OPTN: variants seen among roughly 807,000 people sequenced by gnomAD.
The protein encoded by OPTN is optineurin.
A neutral mutation model predicts 70.4 loss-of-function variants in OPTN; 54 were observed. The observed-to-expected ratio is 0.77, with a 90% confidence interval of 0.62 to 0.96. OPTN has a LOEUF of 0.96. Among genes scored for constraint, OPTN ranks in the 40% least tolerant of loss-of-function variants. OPTN has a pLI of 0.00. For synonymous variants in OPTN, 256 were observed against 248.5 expected, an observed-to-expected ratio of 1.03 and a Z score of -0.28; for missense variants, 624 against 673.2, an observed-to-expected ratio of 0.93 and a Z score of 0.81.
At chr10:13,113,498 C>T (rs1048252446) in intron 5 of OPTN, among the ~76,000 whole-genome samples, 10 of 152,176 alleles carry the variant, frequency 6.6e-5, no homozygotes, top group Non-Finnish European at 1.5e-4. Context: ...GAGTTTGAAG[C>T]CATTGCTATC....
chr10:13,116,480 G>C (rs1450924304), intron 6 of OPTN, 140 bp downstream of exon 6: 3 of 717,560 alleles, frequency 4.2e-6, no homozygotes, highest in Non-Finnish European at 7.6e-6. Context: ...CAGAATATTT[G>C]GTTTGAATGC....
At chr10:13,105,637 C>T (rs951703462) in intron 1 of OPTN, among the ~76,000 whole-genome samples, 7 of 152,238 alleles carry the variant, frequency 4.6e-5, no homozygotes, top group South Asian at 2.1e-4. Context: ...GGCCCGGCAC[C>T]GTGGCTCAAG....
rs1229227887 is a variant in OPTN, at chr10:13,126,020, A to G, written c.1223A>G (p.Glu408Gly). The change falls in exon 11 of 15, where the codon GAG (glutamate) becomes GGG (glycine). Residue 408 changes from glutamate (E) to glycine (G), a missense_variant. Coordinates refer to ENST00000378747, the MANE Select transcript of OPTN (RefSeq NM_001008212.2). ...CATAATAATGCATTGAAAACAATTG[A>G]GGAACTAACAAGAAAAGAGGTATTC... is the stretch of plus-strand genomic sequence containing the variant. ...QEHNNALKTIEELTRKESEKV... is the reference protein window; with the variant it reads ...QEHNNALKTIGELTRKESEKV... 1.9e-6 allele frequency: 3 copies of G among 1,609,520 alleles called. No homozygotes were observed. Among genetic ancestry groups the G allele is most frequent in the Non-Finnish European group, 1.7e-6 (2 of 1,175,912 alleles).
rs147219443 is a variant in OPTN, at chr10:13,122,476, G to A, written c.871G>A (p.Gly291Ser). The change falls in exon 8 of 15, where the codon GGC becomes AGC. Residue 291 changes from glycine to serine, a missense_variant. Physicochemically the swap from Gly to Ser is moderately conservative, Grantham distance 56 (BLOSUM62 0). Coordinates refer to ENST00000378747, the MANE Select transcript of OPTN (RefSeq NM_001008212.2). ...STEKENDEEK[G>S]PETVGSEVEA... is the part of the protein sequence containing the mutation. ...AGAGAAAGAGAATGATGAAGAGAAA[G>A]GCCCGGAGACTGTGAGTCCTAAGAT... is the stretch of plus-strand genomic sequence containing the variant. 4.3e-6 allele frequency: 7 copies of A among 1,612,232 alleles called. No homozygotes were observed. In the African/African-American group the frequency reaches 5.3e-5, roughly 12 times the overall value.
rs71386158 is a variant in OPTN at position 13,114,762 on chromosome 10, A to ATATATAATTATATAATTATATAAT, written c.553-1490_553-1467dup. Among the ~76,000 whole-genome samples, 292 of 83,750 alleles carry ATATATAATTATATAATTATATAAT rather than the reference A, an allele frequency of 3.5e-3. 21 individuals carry two copies. Among genetic ancestry groups the ATATATAATTATATAATTATATAAT allele is most frequent in the African/African-American group, 0.015 (267 of 18,334 alleles). The allele number at this position is 83,750 out of a possible 152,430, so 54.9% of individuals were successfully genotyped here. ...ATATATTCTACAATTATATAATTGC[A>ATATATAATTATATAATTATATAAT]TATATAATTATATAATTATATAATT... On this transcript the variant is annotated intron_variant, in intron 5 of 14. Transcript: ENST00000378747.
chr10:13,103,747 C>CACAGAT (rs142934673), intron 1 of OPTN, among the ~76,000 whole-genome samples: 1 of 149,972 alleles, frequency 6.7e-6, no homozygotes, highest in African/African-American at 2.5e-5. Context: ...CACATGCACA[C>CACAGAT]ACACACACAC....
Position 13,108,194 on chromosome 10 carries a change from C to T in OPTN, c.-107C>T, listed in dbSNP as rs1417614018. 2 of 152,228 alleles carry T rather than the reference C, an allele frequency of 1.3e-5. No individual in the cohort carries two copies. The highest frequency in any genetic ancestry group is 2.9e-5 in the Non-Finnish European group (2 of 68,040). 9.4% of individuals were successfully genotyped at this position (152,228 alleles called of 1,614,324 possible). The stretch of plus-strand genomic sequence containing the variant: ...CTGGCCTTGGATGAGCCGTACGCCT[C>T]TGTAAACCCAACTTCCTCACCTTTG... On this transcript the variant is annotated 5_prime_UTR_variant, in exon 2 of 15. Coordinates refer to ENST00000378747, the MANE Select transcript of OPTN (RefSeq NM_001008212.2).
chr10:13,100,489 C>T (rs1213759368), intron 1 of OPTN, among the ~76,000 whole-genome samples, 187 bp downstream of exon 1: 1 of 152,142 alleles, frequency 6.6e-6, no homozygotes, highest in Non-Finnish European at 1.5e-5. Flanking sequence ...CCCCAAGCCT[C>T]GGCGGGTCCT....
intron 9 of OPTN, among the ~76,000 whole-genome samples, chr10:13,124,939 T>A (rs1397040475): frequency 6.6e-6 from 1 of 152,266 alleles, no homozygotes; most frequent in Admixed American, 6.5e-5. Flanking sequence ...ATAGCTGTCA[T>A]TTATTTGTAT....
intron 3 of OPTN, chr10:13,109,643 T>C (rs942992228): frequency 1.6e-4 from 31 of 193,712 alleles, no homozygotes; most frequent in African/African-American, 7.9e-4. Context: ...CTGGGCAAGA[T>C]GGCAAGACCT....
At position 13,122,016 on chromosome 10, in the gene OPTN, G is replaced by T. The variant is rs186634965; in HGVS notation, c.780-369G>T. ...ACTTAGCTGTGTCCTAAAAGGAAAA[G>T]TCTTTCCTTCTCTAATGAATTCTTA... On this transcript the variant is annotated intron_variant, in intron 7 of 14. Coordinates refer to ENST00000378747, the MANE Select transcript of OPTN (RefSeq NM_001008212.2). Among the ~76,000 whole-genome samples, 34 of 152,318 alleles carry T rather than the reference G, an allele frequency of 2.2e-4. No individual in the cohort carries two copies. The East Asian group carries it at 6.0e-3, about 27-fold the overall frequency.
At chr10:13,101,577 A>G (rs1832749390) in intron 1 of OPTN, among the ~76,000 whole-genome samples, 1 of 152,174 alleles carries the variant, frequency 6.6e-6, no homozygotes, top group South Asian at 2.1e-4. Flanking sequence ...TTTGGAATTT[A>G]TGAAATAGAA....
chr10:13,116,282 G>A lies in OPTN; in HGVS notation c.568G>A (p.Gly190Arg), dbSNP rs1833206919. 1.9e-6 allele frequency: 3 copies of A among 1,610,790 alleles called. No individual in the cohort carries two copies. The highest frequency in any genetic ancestry group is 1.3e-5 in the African/African-American group (1 of 74,818). ...GTTTTCACAGGAAGGAGAAGCAGAA[G>A]GGTCAGTAAAAGAAATCAAGCATAG... ...EIRMAEGEAE[G>R]SVKEIKHSPG... is the part of the protein sequence containing the mutation. The change falls in exon 6 of 15, where the codon GGG becomes AGG. Residue 190 changes from glycine (G) to arginine (R), a missense_variant. Physicochemically the swap from Gly to Arg is moderately radical, Grantham distance 125 (BLOSUM62 -2). Coordinates refer to ENST00000378747, the MANE Select transcript of OPTN (RefSeq NM_001008212.2).
chr10:13,115,113 TTA>T (rs796205874), intron 5 of OPTN, among the ~76,000 whole-genome samples: 5,332 of 89,848 alleles, frequency 0.059, 422 homozygotes, highest in African/African-American at 0.15. Flanking sequence ...TTTATATATA[TTA>T]TATATATATA....
intron 6 of OPTN, among the ~76,000 whole-genome samples, chr10:13,117,385 C>A (rs1008814155): frequency 7.4e-5 from 10 of 134,566 alleles, no homozygotes; most frequent in African/African-American, 2.5e-4. Context: ...CGGCCAGGAT[C>A]TCTTATCTCA....
chr10:13,110,638 T>C (rs370513371), intron 4 of OPTN, among the ~76,000 whole-genome samples, 162 bp downstream of exon 4: 56 of 152,324 alleles, frequency 3.7e-4, no homozygotes, highest in African/African-American at 1.2e-3. Context: ...AAAGATTGGT[T>C]GCCCTATTAA....
intron 6 of OPTN, among the ~76,000 whole-genome samples, 183 bp from the exon 7 acceptor site, chr10:13,118,705 A>G (rs988841088): frequency 1.3e-5 from 2 of 152,186 alleles, no homozygotes; most frequent in African/African-American, 4.8e-5. Context: ...CTTCCCTAGG[A>G]AGCATGGAGG....
chr10:13,108,995 A>G, intron 2 of OPTN, 117 bp from the exon 3 acceptor site: 1 of 889,942 alleles, frequency 1.1e-6, no homozygotes, highest in Non-Finnish European at 1.9e-6. Flanking sequence ...GTAACTGGAG[A>G]GAAAGTGGGC....
chr10:13,126,382 G>A (rs1177226431), intron 11 of OPTN, among the ~76,000 whole-genome samples: 5 of 150,934 alleles, frequency 3.3e-5, no homozygotes, highest in East Asian at 2.0e-4. Context: ...CTGGGTTCAC[G>A]CCATTCTCCT....
Sources: allele counts gnomAD v4.1 joint callset (sites outside exome capture counted in the v4.1 genomes callset), GRCh38; gene constraint gnomAD v4.1.1; transcripts MANE v1.5; gene names NCBI Gene and HGNC (gene_info 2026-07-23, HGNC 2026-07-21).